Variants in PADI6 observed in about 807,000 individuals in gnomAD.
PADI6 encodes the protein peptidyl arginine deiminase 6, also known as inactive protein-arginine deiminase type-6.
Under a neutral mutation model 78.2 loss-of-function variants are expected in PADI6, and 66 were observed. The observed-to-expected ratio is 0.84, with a 90% CI of 0.69 to 1.04. The LOEUF is 1.04. Ranked by LOEUF, PADI6 falls within the 50% of genes least tolerant of loss-of-function variation. PADI6 has a pLI of 0.00. For synonymous variants in PADI6, 397 were observed against 346.9 expected (o/e 1.14, Z -1.60); for missense variants, 854 against 866.1 (o/e 0.99, Z 0.18).
chr1:17,393,499 A>T (rs2075212298), intron 9 of PADI6, among the ~76,000 whole-genome samples: 1 of 152,166 alleles, frequency 6.6e-6, no homozygotes, highest in Non-Finnish European at 1.5e-5. Context: ...TGGATTCTTT[A>T]CGAAAGAAGA....
chr1:17,394,241 A>T, intron 10 of PADI6, 59 bp from the exon 11 acceptor site: 1 of 1,593,414 alleles, frequency 6.3e-7, no homozygotes. Flanking sequence ...TAGGGATAAG[A>T]CTGGGGCCTA....
Position 17,388,437 on chromosome 1 carries a change from T to G in PADI6, c.736T>G (p.Leu246Val). ...GGGGCCCGACCAGCACGCCTATACC[T>G]TGGCCCTCCTCGGGAACCACTTGAA... ...VLGPDQHAYT[L>V]ALLGNHLKET... Residue 246 changes from leucine to valine, a missense_variant, in exon 7 of 16, where the codon TTG (leucine) becomes GTG (valine). By Grantham distance (32) the Leu-to-Val change is conservative (BLOSUM62 1). Transcript: ENST00000619609. 15 of 1,613,834 alleles carry G rather than the reference T, an allele frequency of 9.3e-6. No homozygotes were observed. Among genetic ancestry groups the G allele is most frequent in the Non-Finnish European group, 1.3e-5 (15 of 1,179,834 alleles).
intron 3 of PADI6, among the ~76,000 whole-genome samples, chr1:17,376,468 T>C (rs962385305): frequency 6.6e-6 from 1 of 150,548 alleles, no homozygotes; most frequent in African/African-American, 2.5e-5. Context: ...CCCGGCTAAT[T>C]TTTTTTTATT....
In PADI6 at chr1:17,388,901, CTG is replaced by C. The variant is rs561107948; in HGVS notation, c.962+24_962+25del. ...TGCAGGTGAGAGACCATCAGGCTGA[CTG>C]TGCCAGGCGGTTCTCATAACTGGCA... is the stretch of plus-strand genomic sequence containing the variant. On this transcript the variant is annotated intron_variant, in intron 8 of 15. Coordinates refer to ENST00000619609, the MANE Select transcript of PADI6 (RefSeq NM_207421.4). 2.3e-4 allele frequency: 370 copies of C among 1,592,908 alleles called. 1 individual carries two copies. In the African/African-American group the frequency reaches 3.7e-3, roughly 16 times the overall value.
In PADI6 at chr1:17,398,736, G is replaced by C. The variant is rs777693274; in HGVS notation, c.1740G>C (p.Val580=). 6.3e-7 allele frequency: 1 copy of C among 1,588,952 alleles called. No homozygotes were observed. Among genetic ancestry groups the C allele is most frequent in the Non-Finnish European group, 8.6e-7 (1 of 1,168,148 alleles). Reference sequence around the variant, plus strand: ...TCCTGAAGACGGAGCTGGGCCTGGTGGAACAGGACATCATCGAGATTCCCC... The same window carrying C: ...TCCTGAAGACGGAGCTGGGCCTGGTCGAACAGGACATCATCGAGATTCCCC... ...RDILKTELGL[V]EQDIIEIPQL... Residue 580 remains valine (V), a synonymous_variant, in exon 15 of 16, where the codon GTG becomes GTC. Transcript: ENST00000619609.
chr1:17,382,205 C>G, intron 6 of PADI6, 113 bp downstream of exon 6: 1 of 1,331,062 alleles, frequency 7.5e-7, no homozygotes, highest in South Asian at 1.4e-5. Flanking sequence ...AGACCTAGAG[C>G]TGCAGATGAG....
intron 9 of PADI6, 28 bp downstream of exon 9, chr1:17,392,253 T>G: frequency 1.3e-6 from 2 of 1,511,868 alleles, no homozygotes; most frequent in South Asian, 1.2e-5. Flanking sequence ...AACCCACCTG[T>G]CGGGGAGGGG....
Position 17,379,975 on chromosome 1 carries a change from C to T in PADI6, c.423C>T (p.Asp141=), listed in dbSNP as rs759932049. The T allele has an allele frequency of 1.2e-6, 2 of 1,613,502 alleles. No homozygotes were observed. Among genetic ancestry groups the T allele is most frequent in the Admixed American group, 3.3e-5 (2 of 59,998 alleles). ...ATGGGCAAGTTGAGATGTCAAGTGACAAACAGGCTAAGGTGAGTCTGCCAG... is the reference window on the plus strand; with the variant it reads ...ATGGGCAAGTTGAGATGTCAAGTGATAAACAGGCTAAGGTGAGTCTGCCAG... ...YRNGQVEMSS[D]KQAKKKWIWG... Residue 141 remains aspartate, a synonymous_variant, in exon 4 of 16, where the codon GAC becomes GAT. Transcript: ENST00000619609.
chr1:17,397,227 G>T, intron 14 of PADI6, 86 bp downstream of exon 14: 1 of 1,484,130 alleles, frequency 6.7e-7, no homozygotes, highest in South Asian at 1.2e-5. Flanking sequence ...CCCTCCTGAG[G>T]GGTGAAGTGT....
At chr1:17,396,409 A>G (rs2075247590) in intron 13 of PADI6, among the ~76,000 whole-genome samples, 1 of 152,094 alleles carries the variant, frequency 6.6e-6, no homozygotes, top group Admixed American at 6.5e-5. Context: ...GGCTGTAGGA[A>G]CCCAGAAAGG....
chr1:17,398,648 T>TCCCCTGCCCCCCCCCCCCCCC, intron 14 of PADI6, 38 bp from the exon 15 acceptor site: 3 of 193,328 alleles, frequency 1.6e-5, no homozygotes, highest in South Asian at 6.3e-5. Flanking sequence ...CTCTCCTTGC[T>TCCCCTGCCCCCCCCCCCCCCC]CCCCCGCCCC....
Position 17,401,429 on chromosome 1 carries a change from GGTA to G in PADI6, c.2077_2079del (p.Val693del). 1 of 1,613,790 alleles carries G rather than the reference GGTA, an allele frequency of 6.2e-7. No homozygotes were observed. The highest frequency in any genetic ancestry group is 8.5e-7 in the Non-Finnish European group (1 of 1,179,798). ...CCTTTGCCTTCAAATGGTGGAAGAT[GGTA>G]CCTTAGACCCAGGCCCTGGAGCTGC... is the stretch of plus-strand genomic sequence containing the variant. On this transcript the variant is annotated inframe_deletion, in exon 16 of 16. Transcript: ENST00000619609.
chr1:17,392,444 A>G (rs189613221), intron 9 of PADI6, among the ~76,000 whole-genome samples: 2 of 152,294 alleles, frequency 1.3e-5, no homozygotes, highest in African/African-American at 4.8e-5. Flanking sequence ...CCATTCCAGA[A>G]TGGACACGTG....
intron 2 of PADI6, among the ~76,000 whole-genome samples, chr1:17,375,003 G>A (rs2075001569): frequency 1.3e-5 from 2 of 152,150 alleles, no homozygotes; most frequent in Admixed American, 6.5e-5. Flanking sequence ...CCAGAGGCCT[G>A]TTTCCCCACC....
At chr1:17,384,991 A>G (rs1218002325) in intron 6 of PADI6, among the ~76,000 whole-genome samples, 1 of 152,182 alleles carries the variant, frequency 6.6e-6, no homozygotes, top group Admixed American at 6.5e-5. Context: ...GATGGAACTG[A>G]TCCAACAGGG....
intron 2 of PADI6, 22 bp downstream of exon 2, chr1:17,373,255 G>A (rs2074981586): frequency 3.1e-6 from 5 of 1,610,526 alleles, no homozygotes; most frequent in Non-Finnish European, 4.2e-6. Flanking sequence ...GGGAAGAGGT[G>A]AGGGGCATCT....
chr1:17,375,616 G>A, intron 3 of PADI6, 117 bp downstream of exon 3: 2 of 881,274 alleles, frequency 2.3e-6, no homozygotes, highest in Non-Finnish European at 3.5e-6. Context: ...CCTCCTGTGG[G>A]CCCCAGGAAC....
At position 17,388,406 on chromosome 1, in the gene PADI6, G is replaced by A; in HGVS notation, c.705G>A (p.Leu235=). ...PQKDNSSTFE[L]VLGPDQHAYT... ...AAGACAACTCCAGTACCTTTGAGTT[G>A]GTGCTGGGGCCCGACCAGCACGCCT... The change falls in exon 7 of 16, where the codon TTG becomes TTA. Residue 235 remains leucine, a synonymous_variant. Coordinates refer to ENST00000619609, the MANE Select transcript of PADI6 (RefSeq NM_207421.4). 6.2e-7 allele frequency: 1 copy of A among 1,613,184 alleles called. No individual in the cohort carries two copies. The highest frequency in any genetic ancestry group is 1.1e-5 in the South Asian group (1 of 90,888).
intron 15 of PADI6, 104 bp from the exon 16 acceptor site, chr1:17,401,100 CT>C (rs958077494): frequency 1.9e-5 from 19 of 1,008,080 alleles, no homozygotes; most frequent in Non-Finnish European, 2.8e-5. Flanking sequence ...GAGGAGGCGG[CT>C]GCCTGCCTGC....
Sources: allele counts gnomAD v4.1 joint callset (sites outside exome capture counted in the v4.1 genomes callset), GRCh38; gene constraint gnomAD v4.1.1; transcripts MANE v1.5; gene names NCBI Gene and HGNC (gene_info 2026-07-23, HGNC 2026-07-21).